SLC9A5: variants seen among roughly 807,000 people sequenced by gnomAD.
SLC9A5 encodes the protein sodium/hydrogen exchanger 5.
Under a neutral mutation model 91.7 loss-of-function variants are expected in SLC9A5, and 52 were observed. The observed-to-expected ratio is 0.57, with a 90% CI of 0.45 to 0.71. SLC9A5 has a LOEUF of 0.71. Ranked by LOEUF, SLC9A5 falls within the 30% of genes least tolerant of loss-of-function variation. SLC9A5 has a pLI of 0.00. For synonymous variants in SLC9A5, 419 were observed against 474.5 expected (o/e 0.88, Z 1.52); for missense variants, 871 against 1,158.9 (o/e 0.75, Z 3.61).
Position 67,256,838 on chromosome 16 carries a change from A to C in SLC9A5, c.1133-73A>C. Reference sequence around the variant, plus strand: ...CAGCCCCTGTTAGACCTCAGCCCAGATACTTGGTCCCATCCGGTCCCACGT... The same window carrying C: ...CAGCCCCTGTTAGACCTCAGCCCAGCTACTTGGTCCCATCCGGTCCCACGT... On this transcript the variant is annotated intron_variant, in intron 6 of 15. Transcript: ENST00000299798. The surrounding 1 kb of genome is among the most constrained non-coding windows in gnomAD (Gnocchi z 4.1). 1 of 1,503,844 alleles carries C rather than the reference A, an allele frequency of 6.6e-7. No homozygotes were observed. 93.2% of individuals were successfully genotyped at this position (1,503,844 alleles called of 1,614,324 possible).
intron 14 of SLC9A5, among the ~76,000 whole-genome samples, chr16:67,265,326 C>T (rs574198047): frequency 5.3e-5 from 8 of 152,216 alleles, no homozygotes; most frequent in South Asian, 2.1e-4. Context: ...TTACAGGCCC[C>T]GAGGACTTGG....
intron 12 of SLC9A5, among the ~76,000 whole-genome samples, 176 bp from the exon 13 acceptor site, chr16:67,264,176 A>G (rs1266995447): frequency 6.6e-6 from 1 of 152,240 alleles, no homozygotes; most frequent in Non-Finnish European, 1.5e-5. Context: ...AACTGAGAAC[A>G]CAGGGTCTCT....
chr16:67,256,449 G>T lies in SLC9A5; in HGVS notation c.912-20G>T. The T allele has an allele frequency of 1.3e-6, 2 of 1,580,672 alleles. No individual in the cohort carries two copies. The highest frequency in any genetic ancestry group is 2.2e-5 in the South Asian group (2 of 90,650). On this transcript the variant is annotated intron_variant, in intron 5 of 15. Transcript: ENST00000299798. This position sits in a 1 kb window ranked among gnomAD's most constrained non-coding sequence, Gnocchi z 4.1. ...CCTGGAACCCTTCCCCACTTGCCAT[G>T]TCTCTCCATCCTCTCCCAGGGTGAC...
Position 67,259,966 on chromosome 16 carries a change from A to G in SLC9A5, c.1842+20A>G. ...CGTAGGGTGAGAGCAGGCAGGCATC[A>G]GGATTTTGAGGGGGTGGAGGTGGTC... On this transcript the variant is annotated intron_variant, in intron 12 of 15. Transcript: ENST00000299798. 6.2e-7 allele frequency: 1 copy of G among 1,611,834 alleles called. No homozygotes were observed. Among genetic ancestry groups the G allele is most frequent in the Non-Finnish European group, 8.5e-7 (1 of 1,178,872 alleles).
Position 67,252,293 on chromosome 16 carries a change from T to G in SLC9A5, c.188-249T>G, listed in dbSNP as rs543836360. 6.6e-6 allele frequency among the ~76,000 whole-genome samples: 1 copy of G among 151,820 alleles called. No homozygotes were observed. The highest frequency in any genetic ancestry group is 2.1e-4 in the South Asian group (1 of 4,798). On this transcript the variant is annotated intron_variant, in intron 1 of 15. Transcript: ENST00000299798. The surrounding 1 kb of genome is among the most constrained non-coding windows in gnomAD (Gnocchi z 4.0). ...TGAAACCCTGTCTCTACTAAGAATATAAAAAAAATTATCTGGGCATGGTGG... is the reference window on the plus strand; with the variant it reads ...TGAAACCCTGTCTCTACTAAGAATAGAAAAAAAATTATCTGGGCATGGTGG...
chr16:67,252,871 GC>G lies in SLC9A5; in HGVS notation c.490+29del. 6.3e-7 allele frequency: 1 copy of G among 1,591,064 alleles called. No individual in the cohort carries two copies. The highest frequency in any genetic ancestry group is 8.5e-7 in the Non-Finnish European group (1 of 1,169,850). The stretch of plus-strand genomic sequence containing the variant: ...TGAGTGACCCTAAGACCTGGGCTTT[GC>G]CAGACCCATCACCCCTCTCCCTTCT... On this transcript the variant is annotated intron_variant, in intron 2 of 15. Transcript: ENST00000299798. This position sits in a 1 kb window ranked among gnomAD's most constrained non-coding sequence, Gnocchi z 4.0.
At position 67,255,352 on chromosome 16, in the gene SLC9A5, T is replaced by C. The variant is rs745644761; in HGVS notation, c.655-41T>C. Reference sequence around the variant, plus strand: ...TCTGTCTCCCAGCAGTCCCAGTTGCTGCCTTCCCGCCTCACTGCTGACTCT... The same window carrying C: ...TCTGTCTCCCAGCAGTCCCAGTTGCCGCCTTCCCGCCTCACTGCTGACTCT... On this transcript the variant is annotated intron_variant, in intron 3 of 15. Coordinates refer to ENST00000299798, the MANE Select transcript of SLC9A5 (RefSeq NM_004594.3). This position sits in a 1 kb window ranked among gnomAD's most constrained non-coding sequence, Gnocchi z 4.9. The C allele has an allele frequency of 3.2e-5, 50 of 1,586,250 alleles. No homozygotes were observed. Among genetic ancestry groups the C allele is most frequent in the Non-Finnish European group, 4.1e-5 (47 of 1,156,794 alleles).
chr16:67,258,583 T>A lies in SLC9A5; in HGVS notation c.1626+136T>A. 2 of 1,037,804 alleles carry A rather than the reference T, an allele frequency of 1.9e-6. No individual in the cohort carries two copies. The highest frequency in any genetic ancestry group is 2.9e-6 in the Non-Finnish European group (2 of 695,572). 64.3% of individuals were successfully genotyped at this position (1,037,804 alleles called of 1,614,324 possible). A position where few individuals can be genotyped will look rare whatever the true frequency, so the allele number is the denominator to read the frequency against. ...TAGCTGGCTCCATGGTCTGGTGAAG[T>A]GGCAGCGGCAGGAAGCAGCTGGGTC... On this transcript the variant is annotated intron_variant, in intron 10 of 15. Transcript: ENST00000299798. This position sits in a 1 kb window ranked among gnomAD's most constrained non-coding sequence, Gnocchi z 4.5.
Position 67,257,745 on chromosome 16 carries a change from G to T in SLC9A5, c.1496+144G>T. On this transcript the variant is annotated intron_variant, in intron 9 of 15. Transcript: ENST00000299798. The surrounding 1 kb of genome is among the most constrained non-coding windows in gnomAD (Gnocchi z 5.1). ...CCTGAAGCCCTTCAGTGGCATCCCA[G>T]TGCTCTCAGGTTAAGACAAGGCTCC... is the stretch of plus-strand genomic sequence containing the variant. 1 of 811,700 alleles carries T rather than the reference G, an allele frequency of 1.2e-6. No homozygotes were observed. Among genetic ancestry groups the T allele is most frequent in the East Asian group, 2.6e-5 (1 of 37,980 alleles). 50.3% of individuals were successfully genotyped at this position (811,700 alleles called of 1,614,324 possible). A position where few individuals can be genotyped will look rare whatever the true frequency, so the allele number is the denominator to read the frequency against.
At chr16:67,254,473 T>C (rs1429957894) in intron 2 of SLC9A5, among the ~76,000 whole-genome samples, 1 of 152,242 alleles carries the variant, frequency 6.6e-6, no homozygotes, top group African/African-American at 2.4e-5. Context: ...CTCGGCTCAC[T>C]GCGGCCTCCG....
chr16:67,262,083 G>T (rs1481333184), intron 12 of SLC9A5: 2 of 335,222 alleles, frequency 6.0e-6, no homozygotes, highest in South Asian at 4.7e-5. Context: ...ATTTGCTTTA[G>T]CCCATCATCC....
chr16:67,259,025 C>A (rs2035421187), intron 10 of SLC9A5, among the ~76,000 whole-genome samples: 2 of 151,248 alleles, frequency 1.3e-5, no homozygotes, highest in South Asian at 2.1e-4. Context: ...CTTTGGGGGG[C>A]CAAGGCGGGT....
rs1017784723 is a variant in SLC9A5 at position 67,265,067 on chromosome 16, A to G, written c.2041A>G (p.Thr681Ala). ...KKDGVANAEATNGKHRGLGFQ... is the reference protein window; with the variant it reads ...KKDGVANAEAANGKHRGLGFQ... The stretch of plus-strand genomic sequence containing the variant: ...GGATGGTGTGGCGAATGCTGAGGCT[A>G]CAAATGGGAAACATCGAGGCCTGGG... The change falls in exon 14 of 16, where the codon ACA becomes GCA. Residue 681 changes from threonine (T) to alanine (A), a missense_variant. Physicochemically the swap from Thr to Ala is moderately conservative, Grantham distance 58. Around this residue, in one of 3 missense-constraint regions of SLC9A5, gnomAD observed 295 missense variants for 326.0 expected, o/e 0.90. Coordinates refer to ENST00000299798, the MANE Select transcript of SLC9A5 (RefSeq NM_004594.3). 2.5e-6 allele frequency: 4 copies of G among 1,614,020 alleles called. No homozygotes were observed. The African/African-American group carries it at 5.3e-5, about 22-fold the overall frequency.
At chr16:67,260,354 C>CAAAAAAAAAAAAAAAAAAAAAAAAAAAA (rs397932908) in intron 12 of SLC9A5, among the ~76,000 whole-genome samples, 4 of 33,442 alleles carry the variant, frequency 1.2e-4, no homozygotes, top group African/African-American at 7.7e-4. Context: ...GACTCCATCT[C>CAAAAAAAAAAAAAAAAAAAAAAAAAAAA]AAAAAAAAAA....
At position 67,264,392 on chromosome 16, in the gene SLC9A5, C is replaced by T. The variant is rs576356728; in HGVS notation, c.1883C>T (p.Ala628Val). Residue 628 changes from alanine (A) to valine (V), a missense_variant, in exon 13 of 16, where the codon GCG becomes GTG. This residue lies in a region of SLC9A5 where 454 missense variants were observed against 718.3 expected (regional missense o/e 0.63). Transcript: ENST00000299798. ...AGTCGCCACTTCATCTCAGAGGATG[C>T]GCAGGAGCGGCAGGACAAGGAGGTC... Reference protein sequence around the residue: ...SCSRHFISEDAQERQDKEVFQ... With the variant: ...SCSRHFISEDVQERQDKEVFQ... 9 of 1,614,126 alleles carry T rather than the reference C, an allele frequency of 5.6e-6. No individual in the cohort carries two copies. In the African/African-American group the frequency reaches 9.3e-5, roughly 17 times the overall value.
rs765659519 is a variant in SLC9A5, at chr16:67,256,702, C to T, written c.1132+13C>T. On this transcript the variant is annotated intron_variant, in intron 6 of 15. Coordinates refer to ENST00000299798, the MANE Select transcript of SLC9A5 (RefSeq NM_004594.3). This position sits in a 1 kb window ranked among gnomAD's most constrained non-coding sequence, Gnocchi z 4.1. ...TTCCGAGCCCTCGGTATTGCTGGCACCCTCTGCTTTCCCACTCTCCTTCCT... is the reference window on the plus strand; with the variant it reads ...TTCCGAGCCCTCGGTATTGCTGGCATCCTCTGCTTTCCCACTCTCCTTCCT... 6.3e-6 allele frequency: 10 copies of T among 1,596,722 alleles called. No homozygotes were observed. Among genetic ancestry groups the T allele is most frequent in the Admixed American group, 1.7e-5 (1 of 59,992 alleles).
intron 15 of SLC9A5, among the ~76,000 whole-genome samples, chr16:67,267,081 GTTTTTT>G (rs980874306): frequency 2.1e-5 from 1 of 47,746 alleles, no homozygotes; most frequent in East Asian, 6.0e-4. Flanking sequence ...CCCAGCTGTT[GTTTTTT>G]TTTTTTTTTT....
At position 67,252,614 on chromosome 16, in the gene SLC9A5, TA is replaced by T; in HGVS notation, c.261del (p.Gly89GlufsTer53). On this transcript the variant is annotated frameshift_variant, in exon 2 of 16. Transcript: ENST00000299798. LOFTEE classifies it high-confidence loss of function. The surrounding 1 kb of genome is among the most constrained non-coding windows in gnomAD (Gnocchi z 4.0). Reference protein sequence around the residue: ...SCLLILLGLVLGGIVLAVAKK... With the variant: ...SCLLILLGLVXGGIVLAVAKK... Reference sequence around the variant, plus strand: ...CTGCTGATTTTGCTGGGCCTGGTGCTAGGGGGAATTGTTTTGGCTGTGGCCA... The same window carrying T: ...CTGCTGATTTTGCTGGGCCTGGTGCTGGGGGAATTGTTTTGGCTGTGGCCA... The T allele has an allele frequency of 6.2e-7, 1 of 1,614,136 alleles. No individual in the cohort carries two copies. Among genetic ancestry groups the T allele is most frequent in the Non-Finnish European group, 8.5e-7 (1 of 1,180,038 alleles).
chr16:67,268,683 TA>T (rs1467125581), intron 15 of SLC9A5, among the ~76,000 whole-genome samples: 2 of 70,062 alleles, frequency 2.9e-5, no homozygotes, highest in African/African-American at 9.5e-5. Flanking sequence ...TATATATATA[TA>T]TATATATATA....
Sources: allele counts gnomAD v4.1 joint callset (sites outside exome capture counted in the v4.1 genomes callset), GRCh38; gene constraint gnomAD v4.1.1; regional missense constraint gnomAD v4.1.1; non-coding constraint Gnocchi (gnomAD v3.1); transcripts MANE v1.5; gene names NCBI Gene and HGNC (gene_info 2026-07-23, HGNC 2026-07-21).